PRKCZ: variants seen among roughly 807,000 people sequenced by gnomAD.
PRKCZ encodes protein kinase C zeta type.
A neutral mutation model predicts 79.5 loss-of-function variants in PRKCZ; 33 were observed. That is an observed-to-expected ratio of 0.41 (90% CI 0.31 to 0.55). PRKCZ has a LOEUF of 0.55. Among genes scored for constraint, PRKCZ ranks in the 20% least tolerant of loss-of-function variants. The pLI, the probability that PRKCZ is intolerant of heterozygous loss-of-function variation, is 0.19. For synonymous variants in PRKCZ, 342 were observed against 320.9 expected (o/e 1.07, Z -0.70); for missense variants, 578 against 813.5 (o/e 0.71, Z 3.52).
At chr1:2,099,241 T>C (rs554669987) in intron 4 of PRKCZ, among the ~76,000 whole-genome samples, 17 of 152,232 alleles carry the variant, frequency 1.1e-4, no homozygotes, top group African/African-American at 4.1e-4. Flanking sequence ...AGGGAATAAA[T>C]GGGAATTTTC....
At chr1:2,132,097 CACCGTGCCTAGTATTGGGTT>C (rs1476572825) in intron 4 of PRKCZ, among the ~76,000 whole-genome samples, 1 of 152,202 alleles carries the variant, frequency 6.6e-6, no homozygotes, top group African/African-American at 2.4e-5. Context: ...AGGCGGGAGC[CACCGTGCCTAGTATTGGGTT>C]TGTTTGTTTG....
intron 4 of PRKCZ, among the ~76,000 whole-genome samples, chr1:2,085,151 G>T (rs1170568397): frequency 6.6e-6 from 1 of 152,204 alleles, no homozygotes. Flanking sequence ...GCTGGGTGAG[G>T]AGTAGAGAGG....
At position 2,149,553 on chromosome 1, in the gene PRKCZ, C is replaced by G. The variant is rs562624049; in HGVS notation, c.687+629C>G. The stretch of plus-strand genomic sequence containing the variant: ...GGCCATCCTGTGTCTGGAGGGAGGC[C>G]GGGGCACTTAGAAAGCAGAATCTGA... On this transcript the variant is annotated intron_variant, in intron 8 of 17. Transcript: ENST00000378567. The surrounding 1 kb of genome is among the most constrained non-coding windows in gnomAD (Gnocchi z 4.1). 6.6e-6 allele frequency among the ~76,000 whole-genome samples: 1 copy of G among 152,166 alleles called. No individual in the cohort carries two copies. Among genetic ancestry groups the G allele is most frequent in the Non-Finnish European group, 1.5e-5 (1 of 68,036 alleles).
rs1162688493 is a variant in PRKCZ at position 2,056,506 on chromosome 1, C to T, written c.216C>T (p.Ser72=). 2 of 1,613,856 alleles carry T rather than the reference C, an allele frequency of 1.2e-6. No individual in the cohort carries two copies. Among genetic ancestry groups the T allele is most frequent in the East Asian group, 4.5e-5 (2 of 44,890 alleles). Reference sequence around the variant, plus strand: ...CAGGTGACCCTTGCACGGTGTCCTCCCAGATGGAGCTGGAAGAGGCTTTCC... The same window carrying T: ...CAGGTGACCCTTGCACGGTGTCCTCTCAGATGGAGCTGGAAGAGGCTTTCC... ...DSEGDPCTVS[S]QMELEEAFRL... Residue 72 remains serine (S), a synonymous_variant, in exon 3 of 18, where the codon TCC becomes TCT. Transcript: ENST00000378567.
Position 2,175,560 on chromosome 1 carries a change from C to T in PRKCZ, c.1575+247C>T, listed in dbSNP as rs1261430180. ...ATATCCACCCAACCCCACTCCAACC[C>T]CTACACCCCCAACCCCTCCAACCCC... On this transcript the variant is annotated intron_variant, in intron 16 of 17. Transcript: ENST00000378567. 2.3e-5 allele frequency among the ~76,000 whole-genome samples: 3 copies of T among 129,170 alleles called. No homozygotes were observed. The South Asian group carries it at 8.0e-4, about 34-fold the overall frequency. 84.7% of individuals were successfully genotyped at this position (129,170 alleles called of 152,430 possible). A position where few individuals can be genotyped will look rare whatever the true frequency, so the allele number is the denominator to read the frequency against.
At chr1:2,093,844 C>T (rs1237768385) in intron 4 of PRKCZ, among the ~76,000 whole-genome samples, 2 of 152,078 alleles carry the variant, frequency 1.3e-5, no homozygotes, top group African/African-American at 2.4e-5. Flanking sequence ...CCTGCCTTGG[C>T]GGGCACGGGA....
intron 4 of PRKCZ, among the ~76,000 whole-genome samples, chr1:2,085,697 GGA>G: frequency 3.0e-5 from 4 of 135,450 alleles, no homozygotes; most frequent in Non-Finnish European, 4.9e-5. Flanking sequence ...GAGGGGCTGA[GGA>G]CGTCGGGGGG....
At chr1:2,162,817 C>T (rs1406376858) in intron 10 of PRKCZ, among the ~76,000 whole-genome samples, 1 of 152,204 alleles carries the variant, frequency 6.6e-6, no homozygotes, top group Non-Finnish European at 1.5e-5. Flanking sequence ...TTTTTCTTCT[C>T]TCAGAGCATC....
chr1:2,181,206 G>A (rs941607367), intron 16 of PRKCZ, among the ~76,000 whole-genome samples: 3 of 152,086 alleles, frequency 2.0e-5, no homozygotes, highest in Non-Finnish European at 2.9e-5. Context: ...GTCTCATGGG[G>A]CCCCTCTGTG....
chr1:2,062,232 G>A (rs972374471), intron 4 of PRKCZ, among the ~76,000 whole-genome samples: 2 of 152,006 alleles, frequency 1.3e-5, no homozygotes, highest in Admixed American at 6.6e-5. Context: ...TTCAAAAAGG[G>A]AACCCCGTGC....
intron 5 of PRKCZ, 56 bp from the exon 6 acceptor site, chr1:2,144,154 C>T (rs1677992539): frequency 5.8e-6 from 9 of 1,538,756 alleles, no homozygotes; most frequent in South Asian, 1.2e-5. Context: ...CCCTGCCTGT[C>T]CTCTCCGCTG....
chr1:2,133,612 TCCCTCGGCTCCG>T (rs922841984), intron 4 of PRKCZ: 6 of 125,154 alleles, frequency 4.8e-5, no homozygotes, highest in African/African-American at 1.9e-4. Flanking sequence ...TGTGCGCTCA[TCCCTCGGCTCCG>T]CCCCCGGCTG....
intron 9 of PRKCZ, among the ~76,000 whole-genome samples, chr1:2,153,425 A>G (rs908284054): frequency 6.6e-6 from 1 of 152,198 alleles, no homozygotes; most frequent in Non-Finnish European, 1.5e-5. Context: ...CTCGCCAGCC[A>G]TGCTCGGGGC....
rs1379682752 is a variant in PRKCZ, at chr1:2,149,455, G to T, written c.687+531G>T. 6.6e-6 allele frequency among the ~76,000 whole-genome samples: 1 copy of T among 152,204 alleles called. No homozygotes were observed. Among genetic ancestry groups the T allele is most frequent in the African/African-American group, 2.4e-5 (1 of 41,442 alleles). ...GCCTCTGCTCGTAAAACCCAGGGAAGGACTGCACTAGCGAAGCCCACTCCT... is the reference window on the plus strand; with the variant it reads ...GCCTCTGCTCGTAAAACCCAGGGAATGACTGCACTAGCGAAGCCCACTCCT... On this transcript the variant is annotated intron_variant, in intron 8 of 17. Transcript: ENST00000378567. This position sits in a 1 kb window ranked among gnomAD's most constrained non-coding sequence, Gnocchi z 4.1.
intron 4 of PRKCZ, among the ~76,000 whole-genome samples, chr1:2,106,410 TA>T (rs1668425134): frequency 6.9e-6 from 1 of 144,902 alleles, no homozygotes; most frequent in African/African-American, 2.5e-5. Context: ...CAAGCCCCTC[TA>T]GTGGGCGAGG....
chr1:2,150,255 G>A (rs1679610992), intron 8 of PRKCZ, among the ~76,000 whole-genome samples: 2 of 152,142 alleles, frequency 1.3e-5, no homozygotes, highest in Non-Finnish European at 2.9e-5. Context: ...TCCTTGCCAG[G>A]TGTAGCTTGC....
chr1:2,110,345 A>G (rs1435415654), intron 4 of PRKCZ, among the ~76,000 whole-genome samples: 1 of 152,248 alleles, frequency 6.6e-6, no homozygotes, highest in African/African-American at 2.4e-5. Flanking sequence ...CAGAGCAGGC[A>G]GGACCTTTCT....
intron 15 of PRKCZ, 60 bp from the exon 16 acceptor site, chr1:2,175,164 G>A: frequency 1.4e-6 from 2 of 1,457,116 alleles, no homozygotes; most frequent in Non-Finnish European, 9.6e-7. Context: ...ACCAAGGAGA[G>A]GGGGTCATGG....
At chr1:2,063,382 G>A (rs28888081) in intron 4 of PRKCZ, among the ~76,000 whole-genome samples, 23,837 of 152,150 alleles carry the variant, frequency 0.16, 2,161 homozygotes, top group East Asian at 0.25. Flanking sequence ...GCACGATCTC[G>A]GCTCACTGCA....
Sources: gnomAD v4.1 joint callset for allele counts (sites outside exome capture counted in the v4.1 genomes callset) on GRCh38, gnomAD v4.1.1 for gene constraint, Gnocchi (gnomAD v3.1) non-coding constraint, MANE v1.5 for transcripts, NCBI Gene and HGNC (gene_info 2026-07-23, HGNC 2026-07-21) for gene names.